Variants in MBD5 observed in about 807,000 individuals in gnomAD.
MBD5 encodes methyl-CpG-binding domain protein 5.
MBD5 carries 13 observed loss-of-function variants against 117.3 expected under a neutral mutation model. The ratio of observed to expected loss-of-function variants is 0.11; its 90% confidence interval spans 0.07 to 0.18. MBD5 has a LOEUF of 0.18. MBD5 is among the 10% of genes least tolerant of loss of function. The pLI, the probability that MBD5 is intolerant of heterozygous loss-of-function variation, is 1.00. For missense variants in MBD5, 1,879 were observed against 2,093.8 expected (o/e 0.90, Z 2.00); for synonymous variants, 727 against 766.4 (o/e 0.95, Z 0.85).
intron 4 of MBD5, among the ~76,000 whole-genome samples, chr2:148,415,862 A>G (rs1174606397): frequency 6.6e-6 from 1 of 152,114 alleles, no homozygotes; most frequent in African/African-American, 2.4e-5. Flanking sequence ...CAGCTCTTCT[A>G]TCATTTTATT....
Position 148,490,222 on chromosome 2 carries a change from G to A in MBD5, c.4590G>A (p.Gln1530=), listed in dbSNP as rs1057521419. ...CAHINGNRPR[Q]SRGFGELLST... ...ACATAAATGGGAATAGACCTCGACA[G>A]AGTCGGGGATTTGGAGAGCTGCTAA... The change falls in exon 11 of 14, where the codon CAG becomes CAA. Residue 1530 remains glutamine, a synonymous_variant. Transcript: ENST00000642680. 1.2e-6 allele frequency: 2 copies of A among 1,614,082 alleles called. No individual in the cohort carries two copies. Among genetic ancestry groups the A allele is most frequent in the Non-Finnish European group, 1.7e-6 (2 of 1,180,046 alleles).
At chr2:148,250,364 C>T (rs1249467800) in intron 3 of MBD5, among the ~76,000 whole-genome samples, 1 of 152,160 alleles carries the variant, frequency 6.6e-6, no homozygotes, top group Non-Finnish European at 1.5e-5. Flanking sequence ...TACTGGGTGA[C>T]AGCAATAATC....
At chr2:148,240,086 A>G (rs1700181232) in intron 3 of MBD5, among the ~76,000 whole-genome samples, 1 of 152,226 alleles carries the variant, frequency 6.6e-6, no homozygotes, top group African/African-American at 2.4e-5. Flanking sequence ...CTATGCAGCC[A>G]TTAAAAAAGG....
chr2:148,371,414 T>G (rs931591775), intron 4 of MBD5, among the ~76,000 whole-genome samples: 1 of 152,182 alleles, frequency 6.6e-6, no homozygotes, highest in Non-Finnish European at 1.5e-5. Flanking sequence ...GCCAGAATTC[T>G]TATTGTAACA....
chr2:148,179,512 C>G (rs1308604274), intron 2 of MBD5, among the ~76,000 whole-genome samples: 3 of 152,108 alleles, frequency 2.0e-5, no homozygotes, highest in Non-Finnish European at 4.4e-5. Context: ...TGTTCTTTAT[C>G]CACTCCAAAA....
chr2:148,378,633 ATGTT>A (rs1421630241), intron 4 of MBD5, among the ~76,000 whole-genome samples: 1 of 152,004 alleles, frequency 6.6e-6, no homozygotes, highest in African/African-American at 2.4e-5. Flanking sequence ...AAGATACAAA[ATGTT>A]TGTCTTCTTA....
At chr2:148,263,175 A>G (rs1700772160) in intron 3 of MBD5, among the ~76,000 whole-genome samples, 1 of 152,196 alleles carries the variant, frequency 6.6e-6, no homozygotes, top group African/African-American at 2.4e-5. Context: ...TCATATGAAG[A>G]TATACAGAAG....
At chr2:148,173,439 C>T (rs750738512) in intron 1 of MBD5, among the ~76,000 whole-genome samples, 2 of 152,226 alleles carry the variant, frequency 1.3e-5, no homozygotes, top group Admixed American at 6.5e-5. Context: ...CTCACACACC[C>T]GTTGCCACTC....
chr2:148,140,127 A>G (rs1697277062), intron 1 of MBD5, among the ~76,000 whole-genome samples: 1 of 152,208 alleles, frequency 6.6e-6, no homozygotes, highest in Non-Finnish European at 1.5e-5. Context: ...AATATTGGTA[A>G]TGTCCTAGAA....
At chr2:148,213,537 T>C (rs1396172001) in intron 2 of MBD5, among the ~76,000 whole-genome samples, 1 of 152,204 alleles carries the variant, frequency 6.6e-6, no homozygotes, top group Non-Finnish European at 1.5e-5. Context: ...TTTAGGTGGA[T>C]ATTGAAAAGT....
intron 10 of MBD5, 142 bp from the exon 11 acceptor site, chr2:148,489,244 C>A: frequency 9.7e-7 from 1 of 1,026,576 alleles, no homozygotes; most frequent in Non-Finnish European, 1.4e-6. Context: ...CTTTTTATTT[C>A]ATTTTTTGAG....
chr2:148,405,866 C>G (rs563653829), intron 4 of MBD5, among the ~76,000 whole-genome samples: 23 of 152,228 alleles, frequency 1.5e-4, no homozygotes, highest in Admixed American at 1.4e-3. Context: ...TGCCTGTAGT[C>G]TCAGCACTTT....
intron 2 of MBD5, among the ~76,000 whole-genome samples, chr2:148,197,122 C>G (rs945290087): frequency 6.6e-6 from 1 of 152,104 alleles, no homozygotes; most frequent in African/African-American, 2.4e-5. Context: ...GTGGAAGTGA[C>G]TCTAGGTAGC....
chr2:148,425,866 A>G (rs567051351), intron 4 of MBD5, among the ~76,000 whole-genome samples: 1 of 152,344 alleles, frequency 6.6e-6, no homozygotes, highest in South Asian at 2.1e-4. Flanking sequence ...TCAATAAACT[A>G]AGTATTGATG....
intron 1 of MBD5, among the ~76,000 whole-genome samples, chr2:148,048,567 C>G (rs1007476897): frequency 1.3e-5 from 2 of 152,060 alleles, no homozygotes; most frequent in Non-Finnish European, 2.9e-5. Flanking sequence ...CTTCAGGGAG[C>G]ACTGACCTGA....
intron 1 of MBD5, among the ~76,000 whole-genome samples, chr2:148,119,022 C>T (rs974716478): frequency 4.0e-5 from 6 of 151,874 alleles, no homozygotes; most frequent in African/African-American, 7.3e-5. Flanking sequence ...CATATGTTTT[C>T]ACTTCTCTCA....
chr2:148,241,161 C>T (rs1045633337), intron 3 of MBD5, among the ~76,000 whole-genome samples: 3 of 151,968 alleles, frequency 2.0e-5, no homozygotes, highest in Non-Finnish European at 4.4e-5. Flanking sequence ...ACTGTAGAGA[C>T]TCTAGATTCT....
At chr2:148,377,297 C>G (rs1322927024) in intron 4 of MBD5, among the ~76,000 whole-genome samples, 2 of 152,142 alleles carry the variant, frequency 1.3e-5, no homozygotes, top group Non-Finnish European at 2.9e-5. Flanking sequence ...CCTGGCCATG[C>G]TGGCAGCTGA....
intron 4 of MBD5, among the ~76,000 whole-genome samples, chr2:148,386,718 CAAAAAAAAA>C (rs60766324): frequency 0.015 from 1,569 of 104,174 alleles, 13 homozygotes; most frequent in Non-Finnish European, 0.02. Context: ...GACTCCGTCT[CAAAAAAAAA>C]AAAAAAAAAA....
Sources: allele counts gnomAD v4.1 joint callset (sites outside exome capture counted in the v4.1 genomes callset), GRCh38; gene constraint gnomAD v4.1.1; transcripts MANE v1.5; gene names NCBI Gene and HGNC (gene_info 2026-07-23, HGNC 2026-07-21).